The following MRPL16 variants were observed in gnomAD, a reference collection of about 807,000 sequenced individuals.
MRPL16 encodes the protein mitochondrial ribosomal protein L16, also known as large ribosomal subunit protein uL16m.
Under a neutral mutation model 22.7 loss-of-function variants are expected in MRPL16, and 17 were observed. That is an observed-to-expected ratio of 0.75 (90% CI 0.51 to 1.12). MRPL16 has a LOEUF of 1.12. Among genes scored for constraint, MRPL16 ranks in the 50% most tolerant of loss-of-function variants. MRPL16 has a pLI of 0.00. For synonymous variants in MRPL16, 103 were observed against 112.8 expected (o/e 0.91, Z 0.55); for missense variants, 316 against 328.7 (o/e 0.96, Z 0.30).
chr11:59,806,604 A>G lies in MRPL16; in HGVS notation c.499T>C (p.Cys167Arg), dbSNP rs1250727569. The G allele has an allele frequency of 2.5e-6, 4 of 1,614,014 alleles. No homozygotes were observed. The highest frequency in any genetic ancestry group is 3.4e-6 in the Non-Finnish European group (4 of 1,180,024). The change falls in exon 4 of 4, where the codon TGT (cysteine) becomes CGT (arginine). Residue 167 changes from cysteine (C) to arginine (R), a missense_variant. Coordinates refer to ENST00000300151, the MANE Select transcript of MRPL16 (RefSeq NM_017840.4). The part of the protein sequence containing the change: ...GRLVVEMGGR[C>R]EFEEVQGFLD... Reference sequence around the variant, plus strand: ...AAACCTTGCACTTCTTCAAATTCACAACGCCCACCCATCTCTACAACAAGG... The same window carrying G: ...AAACCTTGCACTTCTTCAAATTCACGACGCCCACCCATCTCTACAACAAGG...
intron 2 of MRPL16, among the ~76,000 whole-genome samples, chr11:59,808,213 T>C (rs1209625693): frequency 6.6e-6 from 1 of 152,234 alleles, no homozygotes; most frequent in East Asian, 1.9e-4. Flanking sequence ...ACTTTAAAGA[T>C]AGCAAAGTTT....
intron 2 of MRPL16, 162 bp downstream of exon 2, chr11:59,809,693 G>C: frequency 1.4e-6 from 1 of 707,396 alleles, no homozygotes; most frequent in Non-Finnish European, 2.3e-6. Context: ...TTTATTTCTA[G>C]TGCTCAGAAT....
Position 59,806,627 on chromosome 11 carries a change from AGG to A in MRPL16, c.474_475del (p.Leu159CysfsTer9). Reference sequence around the variant, plus strand: ...ACAACGCCCACCCATCTCTACAACAAGGCGGCCAGCCTTCACAGGTGTCACGT... The same window carrying A: ...ACAACGCCCACCCATCTCTACAACAACGGCCAGCCTTCACAGGTGTCACGT... On this transcript the variant is annotated frameshift_variant, in exon 4 of 4. Transcript: ENST00000300151. LOFTEE classifies it high-confidence loss of function. 1 of 1,614,230 alleles carries A rather than the reference AGG, an allele frequency of 6.2e-7. No individual in the cohort carries two copies. The highest frequency in any genetic ancestry group is 8.5e-7 in the Non-Finnish European group (1 of 1,180,038).
At chr11:59,810,358 T>TA (rs1866160503) in intron 1 of MRPL16, 1 of 1,375,526 alleles carries the variant, frequency 7.3e-7, no homozygotes, top group Non-Finnish European at 9.4e-7. Flanking sequence ...CGGATTCCAC[T>TA]AAATGGACTC....
In MRPL16 at chr11:59,810,610, A is replaced by G; in HGVS notation, c.49T>C (p.Leu17=). Residue 17 remains leucine, a synonymous_variant, in exon 1 of 4, where the codon TTG becomes CTG. Transcript: ENST00000300151. Reference sequence around the variant, plus strand: ...ACCAAAAGGGACTTCTGACCTGACAAGGGCACCCGCAGGAGCGGCGCACTA... The same window carrying G: ...ACCAAAAGGGACTTCTGACCTGACAGGGGCACCCGCAGGAGCGGCGCACTA... ...RASAPLLRVP[L]SDSWALLPAS... 1 of 1,614,138 alleles carries G rather than the reference A, an allele frequency of 6.2e-7. No individual in the cohort carries two copies. The highest frequency in any genetic ancestry group is 8.5e-7 in the Non-Finnish European group (1 of 1,179,966).
rs3180473 is a variant in MRPL16 at position 59,810,616 on chromosome 11, C to T, written c.43G>A (p.Val15Met). Residue 15 changes from valine (V) to methionine (M), a missense_variant, in exon 1 of 4, where the codon GTG becomes ATG. Val to Met is a conservative substitution (Grantham distance 21). Transcript: ENST00000300151. ...AGGGACTTCTGACCTGACAAGGGCA[C>T]CCGCAGGAGCGGCGCACTAGCGCGA... ...LARASAPLLR[V>M]PLSDSWALLP... 2 of 1,614,174 alleles carry T rather than the reference C, an allele frequency of 1.2e-6. No homozygotes were observed. The highest frequency in any genetic ancestry group is 3.3e-5 in the Admixed American group (2 of 60,028).
Position 59,806,629 on chromosome 11 carries a change from G to A in MRPL16, c.474C>T (p.Arg158=). ...AACGCCCACCCATCTCTACAACAAG[G>A]CGGCCAGCCTTCACAGGTGTCACGT... ...DHYVTPVKAG[R]LVVEMGGRCE... The change falls in exon 4 of 4, where the codon CGC becomes CGT. Residue 158 remains arginine, a synonymous_variant. Coordinates refer to ENST00000300151, the MANE Select transcript of MRPL16 (RefSeq NM_017840.4). 1 of 1,614,224 alleles carries A rather than the reference G, an allele frequency of 6.2e-7. No homozygotes were observed. The highest frequency in any genetic ancestry group is 1.1e-5 in the South Asian group (1 of 91,082).
intron 2 of MRPL16, chr11:59,808,923 A>T (rs987177327): frequency 6.6e-6 from 1 of 152,204 alleles, no homozygotes; most frequent in Non-Finnish European, 1.5e-5. Flanking sequence ...ATTTTTAAAA[A>T]TTTCTTAAAT....
intron 2 of MRPL16, among the ~76,000 whole-genome samples, chr11:59,808,137 TG>T (rs1454859328): frequency 6.6e-6 from 1 of 152,220 alleles, no homozygotes; most frequent in East Asian, 1.9e-4. Context: ...ATTACATTTT[TG>T]CAGATGCTTT....
In MRPL16 at chr11:59,806,461, T is replaced by A. The variant is rs1228111957; in HGVS notation, c.642A>T (p.Thr214=). Residue 214 remains threonine (T), a synonymous_variant, in exon 4 of 4, where the codon ACA becomes ACT. Coordinates refer to ENST00000300151, the MANE Select transcript of MRPL16 (RefSeq NM_017840.4). ...ERERNNQNPW[T]FERIATANML... ...TGTTGGCAGTGGCTATTCGCTCAAA[T>A]GTCCAGGGGTTCTGGTTGTTACGTT... The A allele has an allele frequency of 1.9e-6, 3 of 1,614,242 alleles. No individual in the cohort carries two copies. Among genetic ancestry groups the A allele is most frequent in the South Asian group, 2.2e-5 (2 of 91,090 alleles).
chr11:59,807,694 C>T lies in MRPL16; in HGVS notation c.270+7G>A. Reference sequence around the variant, plus strand: ...TCCCATTGCTGCTCGATGCTGAATTCACTCACCAAGATTGCAAAATTGCCT... The same window carrying T: ...TCCCATTGCTGCTCGATGCTGAATTTACTCACCAAGATTGCAAAATTGCCT... On this transcript the variant is annotated splice_region_variant and intron_variant, in intron 3 of 3. Transcript: ENST00000300151. 3 of 1,607,786 alleles carry T rather than the reference C, an allele frequency of 1.9e-6. No individual in the cohort carries two copies. The highest frequency in any genetic ancestry group is 2.5e-6 in the Non-Finnish European group (3 of 1,177,664).
At chr11:59,810,438 T>C (rs1866162209) in intron 1 of MRPL16, 166 bp downstream of exon 1, 1 of 1,458,162 alleles carries the variant, frequency 6.9e-7, no homozygotes, top group Admixed American at 2.7e-5. Context: ...GCTGTGACCC[T>C]CTTGCACGAA....
At position 59,806,576 on chromosome 11, in the gene MRPL16, A is replaced by T; in HGVS notation, c.527T>A (p.Leu176His). The change falls in exon 4 of 4, where the codon CTT (leucine) becomes CAT (histidine). Residue 176 changes from leucine to histidine, a missense_variant. Transcript: ENST00000300151. ...GGGCAACTTGTGGGCAACCTGGTCAAGGAAACCTTGCACTTCTTCAAATTC... is the reference window on the plus strand; with the variant it reads ...GGGCAACTTGTGGGCAACCTGGTCATGGAAACCTTGCACTTCTTCAAATTC... ...RCEFEEVQGF[L>H]DQVAHKLPFA... is the part of the protein sequence containing the mutation. 6.2e-7 allele frequency: 1 copy of T among 1,614,250 alleles called. No individual in the cohort carries two copies.
At position 59,806,459 on chromosome 11, in the gene MRPL16, A is replaced by T. The variant is rs1866091779; in HGVS notation, c.644T>A (p.Phe215Tyr). 5.6e-6 allele frequency: 9 copies of T among 1,614,100 alleles called. No individual in the cohort carries two copies. The South Asian group carries it at 8.8e-5, about 16-fold the overall frequency. Reference protein sequence around the residue: ...RERNNQNPWTFERIATANMLG... With the variant: ...RERNNQNPWTYERIATANMLG... The stretch of plus-strand genomic sequence containing the variant: ...CATGTTGGCAGTGGCTATTCGCTCA[A>T]ATGTCCAGGGGTTCTGGTTGTTACG... Residue 215 changes from phenylalanine to tyrosine, a missense_variant, in exon 4 of 4, where the codon TTT becomes TAT. Phe to Tyr is a conservative substitution (Grantham distance 22). Coordinates refer to ENST00000300151, the MANE Select transcript of MRPL16 (RefSeq NM_017840.4).
At chr11:59,810,310 A>T in intron 1 of MRPL16, 1 of 1,294,662 alleles carries the variant, frequency 7.7e-7, no homozygotes, top group Non-Finnish European at 9.8e-7. Flanking sequence ...CGCCCGCCCA[A>T]AAGTACTTCC....
chr11:59,810,266 C>T (rs953878356), intron 1 of MRPL16: 2 of 1,233,764 alleles, frequency 1.6e-6, no homozygotes, highest in Non-Finnish European at 2.0e-6. Flanking sequence ...GCCTCGGCCT[C>T]CCAAAGTGCT....
At chr11:59,810,356 A>T (rs1488893709) in intron 1 of MRPL16, 5 of 1,373,802 alleles carry the variant, frequency 3.6e-6, no homozygotes, top group Non-Finnish European at 4.7e-6. Context: ...TGCGGATTCC[A>T]CTAAATGGAC....
intron 2 of MRPL16, chr11:59,808,651 T>G (rs537348746): frequency 3.3e-5 from 5 of 152,210 alleles, no homozygotes; most frequent in Non-Finnish European, 7.3e-5. Context: ...TGGATGTTAA[T>G]GGGGGTAGTG....
chr11:59,809,952 G>A (rs1191537732), intron 1 of MRPL16, 32 bp from the exon 2 acceptor site: 1 of 1,583,994 alleles, frequency 6.3e-7, no homozygotes, highest in Non-Finnish European at 8.6e-7. Flanking sequence ...AACGACGAAG[G>A]TAACAGGCCG....
Sources: gnomAD v4.1 joint callset for allele counts (sites outside exome capture counted in the v4.1 genomes callset) on GRCh38, gnomAD v4.1.1 for gene constraint, MANE v1.5 for transcripts, NCBI Gene and HGNC (gene_info 2026-07-23, HGNC 2026-07-21) for gene names.